The following ZNF354C variants were observed in gnomAD, a reference collection of about 807,000 sequenced individuals.
ZNF354C encodes KRAB-zinc finger protein synten.
In ZNF354C, 7 loss-of-function variants were observed where a neutral mutation model predicts 12.4. The observed-to-expected ratio is 0.56, with a 90% CI of 0.32 to 1.06. The LOEUF (loss-of-function observed/expected upper bound fraction) is 1.06. Among genes scored for constraint, ZNF354C ranks in the 50% least tolerant of loss-of-function variants. ZNF354C has a pLI of 0.04. For missense variants in ZNF354C, 609 were observed against 658.0 expected (o/e 0.93, Z 0.81); for synonymous variants, 202 against 224.5 (o/e 0.90, Z 0.90).
chr5:179,063,053 T>C (rs1761915312), intron 2 of ZNF354C, among the ~76,000 whole-genome samples: 1 of 152,192 alleles, frequency 6.6e-6, no homozygotes, highest in Admixed American at 6.5e-5. Flanking sequence ...CTTCTGTGCA[T>C]TTTTTCTGCC....
rs571062614 is a variant in ZNF354C at position 179,082,816 on chromosome 5, G to A, written c.*2719G>A. The A allele has an allele frequency of 2.6e-5, 34 of 1,320,574 alleles. No individual in the cohort carries two copies. The highest frequency in any genetic ancestry group is 1.1e-4 in the South Asian group (9 of 85,042). The allele number at this position is 1,320,574 out of a possible 1,614,324, so 81.8% of individuals were successfully genotyped here. On this transcript the variant is annotated 3_prime_UTR_variant, in exon 5 of 5. Coordinates refer to ENST00000315475, the MANE Select transcript of ZNF354C (RefSeq NM_014594.3). ...ATGTTCTTCAAGCGACTGACCAACC[G>A]ATCAGGTCGAGGAGCTGCAACAGCC...
At chr5:179,065,427 T>G (rs113535543) in intron 2 of ZNF354C, among the ~76,000 whole-genome samples, 17 of 151,838 alleles carry the variant, frequency 1.1e-4, no homozygotes, top group African/African-American at 3.6e-4. Context: ...TGTTTTTTTG[T>G]TTTTTTTGAG....
At chr5:179,062,307 G>A (rs886754525) in intron 2 of ZNF354C, among the ~76,000 whole-genome samples, 79 of 152,108 alleles carry the variant, frequency 5.2e-4, no homozygotes, top group African/African-American at 1.8e-3. Context: ...AATTCACCCC[G>A]CTCACTCTGT....
intron 4 of ZNF354C, among the ~76,000 whole-genome samples, chr5:179,077,751 C>A (rs1219573158): frequency 6.6e-6 from 1 of 151,464 alleles, no homozygotes; most frequent in Non-Finnish European, 1.5e-5. Flanking sequence ...CACATAGAAT[C>A]ATCACAGTCA....
At chr5:179,070,202 G>A (rs2113114635) in intron 2 of ZNF354C, among the ~76,000 whole-genome samples, 1 of 152,274 alleles carries the variant, frequency 6.6e-6, no homozygotes, top group Middle Eastern at 3.4e-3. Flanking sequence ...CCCAGGTTGT[G>A]TGCTCCTTAT....
intron 2 of ZNF354C, among the ~76,000 whole-genome samples, chr5:179,063,419 T>G (rs1182555743): frequency 6.6e-6 from 1 of 152,102 alleles, no homozygotes; most frequent in Non-Finnish European, 1.5e-5. Flanking sequence ...ATAAAGTAGC[T>G]GGGTGCAGCA....
Position 179,077,089 on chromosome 5 carries a change from C to G in ZNF354C, c.173C>G (p.Pro58Arg), listed in dbSNP as rs145687165. Residue 58 changes from proline (P) to arginine (R), a missense_variant, in exon 4 of 5, where the codon CCA becomes CGA. Coordinates refer to ENST00000315475, the MANE Select transcript of ZNF354C (RefSeq NM_014594.3). ...LVSLGIPFSM[P>R]KLIHQLQQGE... ...TGAGCAGGGATTCCATTTTCAATGC[C>G]AAAGTTGATTCATCAGTTGCAGCAA... The G allele has an allele frequency of 6.2e-7, 1 of 1,613,988 alleles. No homozygotes were observed. Among genetic ancestry groups the G allele is most frequent in the African/African-American group, 1.3e-5 (1 of 74,892 alleles).
intron 2 of ZNF354C, among the ~76,000 whole-genome samples, chr5:179,074,380 T>C (rs13357876): frequency 0.079 from 11,919 of 151,484 alleles, 1,128 homozygotes; most frequent in African/African-American, 0.23. Flanking sequence ...CGCCCACCTC[T>C]GCCTCCCAAG....
At chr5:179,068,364 A>G (rs1761987145) in intron 2 of ZNF354C, among the ~76,000 whole-genome samples, 1 of 152,194 alleles carries the variant, frequency 6.6e-6, no homozygotes, top group South Asian at 2.1e-4. Context: ...TCTATTTTTT[A>G]GCACGCGTCT....
At chr5:179,070,281 C>T (rs1264746019) in intron 2 of ZNF354C, among the ~76,000 whole-genome samples, 1 of 152,220 alleles carries the variant, frequency 6.6e-6, no homozygotes, top group African/African-American at 2.4e-5. Context: ...ACCCTCCTGT[C>T]TGTGGAAGAA....
chr5:179,070,958 C>T (rs1385178213), intron 2 of ZNF354C, among the ~76,000 whole-genome samples: 2 of 148,314 alleles, frequency 1.3e-5, no homozygotes, highest in Non-Finnish European at 3.0e-5. Flanking sequence ...ACGCCATTCT[C>T]CTGCCTCAGC....
At chr5:179,062,811 T>C (rs1273400723) in intron 2 of ZNF354C, among the ~76,000 whole-genome samples, 1 of 152,168 alleles carries the variant, frequency 6.6e-6, no homozygotes, top group East Asian at 1.9e-4. Context: ...TCTATTTCCT[T>C]CTCTGATTCT....
At chr5:179,077,021 A>C in intron 3 of ZNF354C, 50 bp from the exon 4 acceptor site, 1 of 1,515,810 alleles carries the variant, frequency 6.6e-7, no homozygotes, top group Non-Finnish European at 9.1e-7. Flanking sequence ...CAGTTCTAGG[A>C]TTGGTCTTCA....
Position 179,082,469 on chromosome 5 carries a change from T to G in ZNF354C, c.*2372T>G. On this transcript the variant is annotated 3_prime_UTR_variant, in exon 5 of 5. Coordinates refer to ENST00000315475, the MANE Select transcript of ZNF354C (RefSeq NM_014594.3). ...AGTTGGTATAGGACAACTGGACTTT[T>G]TTTTATATATTTATTTTAAAATGGT... 1.9e-6 allele frequency: 1 copy of G among 538,924 alleles called. No homozygotes were observed. Among genetic ancestry groups the G allele is most frequent in the Non-Finnish European group, 3.3e-6 (1 of 305,160 alleles). 33.4% of individuals were successfully genotyped at this position (538,924 alleles called of 1,614,324 possible).
In ZNF354C at chr5:179,083,355, G is replaced by GT. The variant is rs922676475; in HGVS notation, c.*3268dup. On this transcript the variant is annotated 3_prime_UTR_variant, in exon 5 of 5. Transcript: ENST00000315475. Reference sequence around the variant, plus strand: ...TAATTCTTAGGAGATGCATGCAGAAGTTTTTTTTTTAAGTTTTGAAAAGTC... The same window carrying GT: ...TAATTCTTAGGAGATGCATGCAGAAGTTTTTTTTTTTAAGTTTTGAAAAGTC... 1.1e-3 allele frequency: 176 copies of GT among 155,890 alleles called. No homozygotes were observed. Among genetic ancestry groups the GT allele is most frequent in the Non-Finnish European group, 1.7e-3 (122 of 71,524 alleles). The allele number at this position is 155,890 out of a possible 1,614,324, so 9.7% of individuals were successfully genotyped here.
chr5:179,070,505 AT>A (rs1474980407), intron 2 of ZNF354C, among the ~76,000 whole-genome samples: 3 of 152,068 alleles, frequency 2.0e-5, no homozygotes, highest in African/African-American at 7.2e-5. Flanking sequence ...TCCTAGTGTG[AT>A]CCTGGCTGTG....
intron 4 of ZNF354C, among the ~76,000 whole-genome samples, chr5:179,078,204 G>T (rs1035595268): frequency 6.6e-6 from 1 of 152,196 alleles, no homozygotes; most frequent in African/African-American, 2.4e-5. Context: ...ATATTTAAAA[G>T]ATTATCGGGC....
chr5:179,062,268 T>G (rs1761903841), intron 2 of ZNF354C, among the ~76,000 whole-genome samples, 173 bp downstream of exon 2: 1 of 152,210 alleles, frequency 6.6e-6, no homozygotes, highest in African/African-American at 2.4e-5. Context: ...TGCTGAGGAA[T>G]GTGCCTCTTT....
intron 2 of ZNF354C, among the ~76,000 whole-genome samples, chr5:179,074,443 T>C (rs1169850602): frequency 2.6e-5 from 4 of 152,122 alleles, no homozygotes; most frequent in Non-Finnish European, 4.4e-5. Flanking sequence ...TGTGTATTTT[T>C]AAGATCTCAA....
Sources: gnomAD v4.1 joint callset for allele counts (sites outside exome capture counted in the v4.1 genomes callset) on GRCh38, gnomAD v4.1.1 for gene constraint, MANE v1.5 for transcripts, NCBI Gene and HGNC (gene_info 2026-07-23, HGNC 2026-07-21) for gene names.